Variants in APPBP2 observed in about 807,000 individuals in gnomAD.
The protein encoded by APPBP2 is amyloid beta precursor protein binding protein 2.
A neutral mutation model predicts 76.0 loss-of-function variants in APPBP2; 15 were observed. The observed-to-expected ratio is 0.20, with a 90% CI of 0.13 to 0.30. The LOEUF (loss-of-function observed/expected upper bound fraction) is 0.30. Ranked by LOEUF, APPBP2 falls within the 10% of genes least tolerant of loss-of-function variation. The pLI, the probability that APPBP2 is intolerant of heterozygous loss-of-function variation, is 1.00. For synonymous variants in APPBP2, 222 were observed against 242.2 expected (o/e 0.92, Z 0.77); for missense variants, 401 against 687.2 (o/e 0.58, Z 4.66).
chr17:60,499,579 C>A (rs1479495460), intron 2 of APPBP2, among the ~76,000 whole-genome samples: 2 of 152,116 alleles, frequency 1.3e-5, no homozygotes, highest in African/African-American at 4.8e-5. Flanking sequence ...ACCAAAATAA[C>A]TGAAGGCAGG....
At chr17:60,477,761 A>G (rs961251727) in intron 4 of APPBP2, among the ~76,000 whole-genome samples, 2 of 150,732 alleles carry the variant, frequency 1.3e-5, no homozygotes, top group African/African-American at 2.5e-5. Context: ...TGTATAAAAA[A>G]GGTCAATGAC....
At chr17:60,524,610 G>GA (rs35185909) in intron 1 of APPBP2, among the ~76,000 whole-genome samples, 4,006 of 49,830 alleles carry the variant, frequency 0.08, 693 homozygotes, top group East Asian at 0.21. Context: ...TGCTAATTCT[G>GA]AAAAAAAAAA....
intron 3 of APPBP2, among the ~76,000 whole-genome samples, chr17:60,483,185 T>C (rs1420356684): frequency 6.6e-6 from 1 of 152,228 alleles, no homozygotes; most frequent in Non-Finnish European, 1.5e-5. Flanking sequence ...CCAGTGATGA[T>C]GAGTATTTTT....
intron 1 of APPBP2, among the ~76,000 whole-genome samples, chr17:60,517,168 G>C (rs1030026173): frequency 2.0e-5 from 3 of 151,918 alleles, no homozygotes; most frequent in Non-Finnish European, 4.4e-5. Flanking sequence ...GTGGAGATGG[G>C]GTTTCACCAT....
intron 4 of APPBP2, among the ~76,000 whole-genome samples, chr17:60,477,183 C>T (rs572407235): frequency 1.8e-4 from 28 of 152,200 alleles, no homozygotes; most frequent in African/African-American, 5.3e-4. Flanking sequence ...CTACAGATGA[C>T]AAACTAGGAA....
chr17:60,472,041 G>A (rs1157343980), intron 4 of APPBP2, among the ~76,000 whole-genome samples: 8 of 152,256 alleles, frequency 5.3e-5, no homozygotes, highest in African/African-American at 1.2e-4. Flanking sequence ...CAGGAGAATC[G>A]CTTGAACCTG....
At chr17:60,513,584 G>A (rs1022897898) in intron 1 of APPBP2, 5 of 390,744 alleles carry the variant, frequency 1.3e-5, no homozygotes, top group African/African-American at 2.1e-5. Context: ...TTTTGAGGGC[G>A]GGCACGGTGG....
At chr17:60,476,917 T>C (rs1023317161) in intron 4 of APPBP2, among the ~76,000 whole-genome samples, 2 of 152,198 alleles carry the variant, frequency 1.3e-5, no homozygotes, top group African/African-American at 4.8e-5. Flanking sequence ...TCTTCCTTAA[T>C]GTAGACCCAT....
chr17:60,502,955 A>C (rs765375072), intron 1 of APPBP2, among the ~76,000 whole-genome samples: 1 of 146,652 alleles, frequency 6.8e-6, no homozygotes, highest in African/African-American at 2.8e-5. Flanking sequence ...TTAATGACTG[A>C]AACTGGTGTA....
rs74580247 is a variant in APPBP2 at position 60,506,751 on chromosome 17, T to A, written c.139-6264A>T. ...ATATTTTCTTTTTTAAAAAAAACAT[T>A]TTCCCCCCGGGCGCGGTGGCTCGCG... On this transcript the variant is annotated intron_variant, in intron 1 of 12. Coordinates refer to ENST00000083182, the MANE Select transcript of APPBP2 (RefSeq NM_006380.5). Among the ~76,000 whole-genome samples, 308 of 152,260 alleles carry A rather than the reference T, an allele frequency of 2.0e-3. 5 individuals are homozygous for A. The East Asian group carries it at 0.048, about 24-fold the overall frequency.
intron 9 of APPBP2, 107 bp downstream of exon 9, chr17:60,460,556 G>A: frequency 8.9e-7 from 1 of 1,119,546 alleles, no homozygotes; most frequent in South Asian, 1.9e-5. Flanking sequence ...AATCCATAAA[G>A]TATATCAAGT....
intron 4 of APPBP2, among the ~76,000 whole-genome samples, chr17:60,471,591 T>TC (rs954760846): frequency 6.6e-6 from 1 of 151,876 alleles, no homozygotes; most frequent in African/African-American, 2.4e-5. Flanking sequence ...TTTTTTTTTT[T>TC]CCCTTCATCC....
chr17:60,494,150 T>G (rs1256964199), intron 3 of APPBP2, among the ~76,000 whole-genome samples: 2 of 152,302 alleles, frequency 1.3e-5, no homozygotes, highest in Admixed American at 1.3e-4. Context: ...TATTATGGAA[T>G]CACATAGACA....
chr17:60,482,178 G>A (rs1598358194), intron 3 of APPBP2, among the ~76,000 whole-genome samples: 1 of 152,188 alleles, frequency 6.6e-6, no homozygotes, highest in African/African-American at 2.4e-5. Context: ...ACCGCGTCCG[G>A]CCGGGTTACT....
rs2090758200 is a variant in APPBP2 at position 60,494,548 on chromosome 17, G to A, written c.297C>T (p.Tyr99=). The part of the protein sequence containing the change: ...HGVKVASVLA[Y]SFSRRCSYIA... ...TATAAGAGCACCGCCTACTGAATGAGTAGGCCAAGACTGAAGCAACTTTAA... is the reference window on the plus strand; with the variant it reads ...TATAAGAGCACCGCCTACTGAATGAATAGGCCAAGACTGAAGCAACTTTAA... Residue 99 remains tyrosine (Y), a synonymous_variant, in exon 3 of 13, where the codon TAC becomes TAT. Coordinates refer to ENST00000083182, the MANE Select transcript of APPBP2 (RefSeq NM_006380.5). 6.2e-7 allele frequency: 1 copy of A among 1,612,610 alleles called. No individual in the cohort carries two copies. The highest frequency in any genetic ancestry group is 8.5e-7 in the Non-Finnish European group (1 of 1,179,764).
chr17:60,471,161 TTGAC>T, intron 4 of APPBP2, among the ~76,000 whole-genome samples: 2 of 152,192 alleles, frequency 1.3e-5, no homozygotes, highest in African/African-American at 4.8e-5. Context: ...AGAAACTTAA[TTGAC>T]ATGTGATTTG....
Position 60,479,186 on chromosome 17 carries a change from C to G in APPBP2, c.465G>C (p.Glu155Asp), listed in dbSNP as rs750398565. ...CTACTGCACGAAACCAATGAAGCAT[C>G]TCATCGTGTAGAGTACACAACTGAA... is the stretch of plus-strand genomic sequence containing the variant. The part of the protein sequence containing the change: ...SCLQLCTLHD[E>D]MLHWFRAVEC... Residue 155 changes from glutamate (E) to aspartate (D), a missense_variant, in exon 4 of 13, where the codon GAG (glutamate) becomes GAC (aspartate). This residue lies in a region of APPBP2 where 149 missense variants were observed against 198.4 expected (regional missense o/e 0.75). Transcript: ENST00000083182. The G allele has an allele frequency of 1.8e-5, 29 of 1,613,732 alleles. No individual in the cohort carries two copies. The highest frequency in any genetic ancestry group is 2.4e-5 in the Non-Finnish European group (28 of 1,179,866).
chr17:60,510,707 T>A (rs2090905052), intron 1 of APPBP2, among the ~76,000 whole-genome samples: 1 of 152,126 alleles, frequency 6.6e-6, no homozygotes, highest in Non-Finnish European at 1.5e-5. Context: ...CAAAGTGAGA[T>A]CCTGTTTCTG....
intron 1 of APPBP2, among the ~76,000 whole-genome samples, chr17:60,504,220 A>G (rs951746380): frequency 3.3e-5 from 5 of 152,178 alleles, no homozygotes; most frequent in African/African-American, 9.7e-5. Flanking sequence ...TTCCTACCTT[A>G]AACAAAAGGG....
Sources: gnomAD v4.1 joint callset for allele counts (sites outside exome capture counted in the v4.1 genomes callset) on GRCh38, gnomAD v4.1.1 for gene constraint, gnomAD v4.1.1 regional missense constraint, MANE v1.5 for transcripts, NCBI Gene and HGNC (gene_info 2026-07-23, HGNC 2026-07-21) for gene names.